The following FHIT variants were observed in gnomAD, a reference collection of about 807,000 sequenced individuals.
FHIT encodes fragile histidine triad diadenosine triphosphatase.
FHIT carries 19 observed loss-of-function variants against 17.9 expected under a neutral mutation model. That is an observed-to-expected ratio of 1.06 (90% CI 0.74 to 1.56). The LOEUF (loss-of-function observed/expected upper bound fraction) is 1.56. FHIT is among the 40% of genes most tolerant of loss of function. The pLI is 0.00. For synonymous variants in FHIT, 81 were observed against 69.7 expected, an observed-to-expected ratio of 1.16 and a Z score of -0.81; for missense variants, 248 against 189.2, an observed-to-expected ratio of 1.31 and a Z score of -1.82.
Position 61,213,268 on chromosome 3 carries a change from A to G in FHIT, c.-212-12603T>C, listed in dbSNP as rs532473724. Among the ~76,000 whole-genome samples the G allele has an allele frequency of 1.2e-4, 19 of 152,266 alleles. No individual in the cohort carries two copies. In the East Asian group the frequency reaches 2.5e-3, roughly 20 times the overall value. ...GCTGTATTCAGGAAACCCATCTCAC[A>G]TGCAGAGACAAACATAGGCTCAAAA... is the stretch of plus-strand genomic sequence containing the variant. On this transcript the variant is annotated intron_variant, in intron 1 of 9. Transcript: ENST00000492590.
intron 5 of FHIT, among the ~76,000 whole-genome samples, chr3:60,368,038 T>G (rs185055447): frequency 6.6e-6 from 1 of 152,296 alleles, no homozygotes; most frequent in African/African-American, 2.4e-5. Flanking sequence ...ATTTTATCTA[T>G]GCTTTTGATG....
At chr3:60,386,002 T>C (rs1396519147) in intron 5 of FHIT, among the ~76,000 whole-genome samples, 1 of 152,188 alleles carries the variant, frequency 6.6e-6, no homozygotes, top group Non-Finnish European at 1.5e-5. Context: ...GCTGACTATG[T>C]AGCAGGTGCT....
chr3:60,556,435 A>T (rs1576871701), intron 4 of FHIT, among the ~76,000 whole-genome samples: 1 of 152,224 alleles, frequency 6.6e-6, no homozygotes, highest in South Asian at 2.1e-4. Context: ...ATCCTTTCAC[A>T]GCAACAAGAG....
At chr3:60,798,965 C>T (rs1323640753) in intron 4 of FHIT, among the ~76,000 whole-genome samples, 5 of 151,758 alleles carry the variant, frequency 3.3e-5, no homozygotes, top group African/African-American at 9.7e-5. Context: ...ACCCAGCCTC[C>T]CAAAATGTTG....
chr3:60,425,101 A>G (rs1287916602), intron 5 of FHIT, among the ~76,000 whole-genome samples: 1 of 152,064 alleles, frequency 6.6e-6, no homozygotes, highest in African/African-American at 2.4e-5. Context: ...CACATGGATC[A>G]AGGGAGGATG....
chr3:61,090,579 T>C (rs1435729326), intron 2 of FHIT, among the ~76,000 whole-genome samples: 2 of 152,144 alleles, frequency 1.3e-5, no homozygotes, highest in African/African-American at 2.4e-5. Flanking sequence ...GCCATGGGCC[T>C]CCCAGTGGGT....
intron 7 of FHIT, among the ~76,000 whole-genome samples, chr3:59,964,677 A>T (rs1707839964): frequency 6.6e-6 from 1 of 152,182 alleles, no homozygotes; most frequent in South Asian, 2.1e-4. Flanking sequence ...GGGAGAACAT[A>T]CATCTCTACC....
At chr3:60,307,033 A>G (rs1249017195) in intron 5 of FHIT, among the ~76,000 whole-genome samples, 3 of 152,108 alleles carry the variant, frequency 2.0e-5, no homozygotes, top group Admixed American at 6.6e-5. Context: ...AGACTTCCAC[A>G]TTAAGAAACC....
intron 5 of FHIT, among the ~76,000 whole-genome samples, chr3:60,444,233 T>C (rs569695611): frequency 6.6e-6 from 1 of 152,184 alleles, no homozygotes; most frequent in Non-Finnish European, 1.5e-5. Flanking sequence ...GGAACACTTT[T>C]ACATTGTTGG....
chr3:60,322,353 A>G (rs1353683378), intron 5 of FHIT, among the ~76,000 whole-genome samples: 1 of 152,242 alleles, frequency 6.6e-6, no homozygotes, highest in African/African-American at 2.4e-5. Flanking sequence ...GTGACATCCC[A>G]TTAACTTACC....
chr3:61,114,857 C>A (rs1052632365), intron 2 of FHIT, among the ~76,000 whole-genome samples: 1 of 152,170 alleles, frequency 6.6e-6, no homozygotes, highest in Non-Finnish European at 1.5e-5. Flanking sequence ...AAGCTGGGGG[C>A]TTCCCACCTA....
At chr3:60,964,358 C>G (rs1351865134) in intron 3 of FHIT, among the ~76,000 whole-genome samples, 1 of 152,058 alleles carries the variant, frequency 6.6e-6, no homozygotes, top group Non-Finnish European at 1.5e-5. Context: ...CTGAATACAG[C>G]ACACTGATGG....
At chr3:60,727,805 C>A (rs1217908324) in intron 4 of FHIT, among the ~76,000 whole-genome samples, 6 of 152,100 alleles carry the variant, frequency 3.9e-5, no homozygotes, top group Admixed American at 2.6e-4. Flanking sequence ...AGATAGAGAC[C>A]ATCCTGGCTA....
At chr3:60,658,546 CA>C (rs1236394295) in intron 4 of FHIT, among the ~76,000 whole-genome samples, 2 of 152,062 alleles carry the variant, frequency 1.3e-5, no homozygotes, top group African/African-American at 4.8e-5. Flanking sequence ...TAATAACATA[CA>C]AAAACATTGC....
At chr3:60,569,380 C>T (rs1265228472) in intron 4 of FHIT, among the ~76,000 whole-genome samples, 1 of 152,070 alleles carries the variant, frequency 6.6e-6, no homozygotes, top group Admixed American at 6.6e-5. Flanking sequence ...CCCAAAGAGG[C>T]TAACTCCTTT....
At chr3:60,312,207 C>T (rs760973968) in intron 5 of FHIT, among the ~76,000 whole-genome samples, 4 of 152,088 alleles carry the variant, frequency 2.6e-5, no homozygotes, top group African/African-American at 4.8e-5. Context: ...ATGGTCATAG[C>T]TCACTATAAC....
At chr3:60,092,362 C>T (rs1405071397) in intron 5 of FHIT, among the ~76,000 whole-genome samples, 1 of 152,098 alleles carries the variant, frequency 6.6e-6, no homozygotes, top group Admixed American at 6.5e-5. Context: ...TGGTTCTCAA[C>T]CTAAGAAATA....
intron 3 of FHIT, among the ~76,000 whole-genome samples, chr3:60,934,039 G>A (rs1211462300): frequency 6.6e-6 from 1 of 152,124 alleles, no homozygotes; most frequent in Non-Finnish European, 1.5e-5. Context: ...GTGATGACAA[G>A]CCTTAATCTC....
intron 8 of FHIT, among the ~76,000 whole-genome samples, chr3:59,821,532 C>T (rs79991573): frequency 0.088 from 13,361 of 152,212 alleles, 627 homozygotes; most frequent in South Asian, 0.15. Context: ...AGATGGGATG[C>T]TAACTGGAAT....
Sources: gnomAD v4.1 joint callset for allele counts (sites outside exome capture counted in the v4.1 genomes callset) on GRCh38, gnomAD v4.1.1 for gene constraint, MANE v1.5 for transcripts, NCBI Gene and HGNC (gene_info 2026-07-23, HGNC 2026-07-21) for gene names.